Variants in MICAL2 observed in about 807,000 individuals in gnomAD.
MICAL2 encodes the protein [F-actin]-monooxygenase MICAL2.
MICAL2 carries 77 observed loss-of-function variants against 127.3 expected under a neutral mutation model. The ratio of observed to expected loss-of-function variants is 0.60; its 90% CI spans 0.50 to 0.73. The LOEUF (loss-of-function observed/expected upper bound fraction) is 0.73, where lower values mean the gene tolerates loss of function less well. Ranked by LOEUF, MICAL2 falls within the 30% of genes least tolerant of loss-of-function variation. MICAL2 has a pLI of 0.00. For missense variants in MICAL2, 1,351 were observed against 1,434.4 expected (o/e 0.94, Z 0.94); for synonymous variants, 570 against 551.1 (o/e 1.03, Z -0.48).
At chr11:12,120,817 G>A (rs781393585) in intron 1 of MICAL2, among the ~76,000 whole-genome samples, 24 of 152,188 alleles carry the variant, frequency 1.6e-4, no homozygotes, top group Non-Finnish European at 2.9e-4. Flanking sequence ...ACTGAACCCA[G>A]CGGACTGTGG....
intron 2 of MICAL2, among the ~76,000 whole-genome samples, chr11:12,141,442 A>G (rs981496901): frequency 6.6e-6 from 1 of 152,032 alleles, no homozygotes; most frequent in Non-Finnish European, 1.5e-5. Context: ...CCTCCTCCTC[A>G]TGTGGTCAGA....
At chr11:12,240,693 T>C (rs963188898) in intron 17 of MICAL2, among the ~76,000 whole-genome samples, 4 of 152,206 alleles carry the variant, frequency 2.6e-5, no homozygotes, top group African/African-American at 9.7e-5. Context: ...TGTTTCCAGG[T>C]AGACTCCTGG....
intron 3 of MICAL2, among the ~76,000 whole-genome samples, chr11:12,177,803 C>G (rs1191944128): frequency 6.6e-6 from 1 of 152,192 alleles, no homozygotes; most frequent in African/African-American, 2.4e-5. Flanking sequence ...TCTGTGAGGC[C>G]TGCTTTCTCA....
chr11:12,279,351 G>A (rs756632570), intron 1 of MICAL2, among the ~76,000 whole-genome samples: 1 of 152,110 alleles, frequency 6.6e-6, no homozygotes, highest in African/African-American at 2.4e-5. Flanking sequence ...GGGAAAGCAG[G>A]GACTGCAGTT....
chr11:12,287,718 G>T (rs925405357), downstream of MICAL2, among the ~76,000 whole-genome samples: 1 of 152,216 alleles, frequency 6.6e-6, no homozygotes. Context: ...GCAGGGCTGT[G>T]GCAGGTGCTG....
intron 2 of MICAL2, among the ~76,000 whole-genome samples, chr11:12,145,222 A>G (rs1852765656): frequency 6.6e-6 from 1 of 152,200 alleles, no homozygotes; most frequent in Admixed American, 6.5e-5. Flanking sequence ...CAGCAGAACA[A>G]AATGGAAGTG....
chr11:12,134,702 A>G (rs1457032020), intron 1 of MICAL2, among the ~76,000 whole-genome samples: 3 of 152,180 alleles, frequency 2.0e-5, no homozygotes, highest in African/African-American at 7.2e-5. Context: ...GAATGAGCTT[A>G]AGCAAAAATG....
At chr11:12,174,363 A>G (rs1157681278) in intron 3 of MICAL2, among the ~76,000 whole-genome samples, 3 of 58,710 alleles carry the variant, frequency 5.1e-5, no homozygotes, top group African/African-American at 1.9e-4. Context: ...CCCCACCCCC[A>G]CCCCCAGCCC....
chr11:12,326,122 C>T (rs1864351070), intron 31 of MICAL2, among the ~76,000 whole-genome samples: 1 of 152,094 alleles, frequency 6.6e-6, no homozygotes, highest in African/African-American at 2.4e-5. Context: ...GGAGGGGCCT[C>T]GGCTGCTGTA....
chr11:12,241,691 T>C (rs1859987257), intron 18 of MICAL2, among the ~76,000 whole-genome samples: 1 of 152,256 alleles, frequency 6.6e-6, no homozygotes. Context: ...GTTTGGAATC[T>C]GAACCGAATC....
chr11:12,316,842 G>T (rs551739002), intron 29 of MICAL2, among the ~76,000 whole-genome samples: 4 of 152,268 alleles, frequency 2.6e-5, no homozygotes, highest in African/African-American at 9.6e-5. Context: ...TCCTTTGAAG[G>T]CTTGCTTTTA....
At chr11:12,217,662 C>T (rs943065597) in intron 8 of MICAL2, among the ~76,000 whole-genome samples, 3 of 152,108 alleles carry the variant, frequency 2.0e-5, no homozygotes, top group South Asian at 4.1e-4. Context: ...TGCAGAGCAC[C>T]GTGGCCTCCT....
chr11:12,219,516 G>A (rs1337991957), intron 8 of MICAL2, among the ~76,000 whole-genome samples: 4 of 96,514 alleles, frequency 4.1e-5, no homozygotes, highest in South Asian at 4.0e-4. Context: ...AGACAAGAGC[G>A]AAACTCCATC....
intron 7 of MICAL2, among the ~76,000 whole-genome samples, chr11:12,215,132 A>G (rs1855978429): frequency 6.6e-6 from 1 of 152,140 alleles, no homozygotes; most frequent in Non-Finnish European, 1.5e-5. Context: ...AACCAAGAAA[A>G]TAAATACTTA....
downstream of MICAL2, among the ~76,000 whole-genome samples, chr11:12,289,910 C>G (rs1004788707): frequency 3.9e-5 from 6 of 152,214 alleles, no homozygotes; most frequent in African/African-American, 1.4e-4. Flanking sequence ...TGCTCAACCA[C>G]CCCATGAAGC....
At chr11:12,238,808 C>T (rs11022262) in intron 16 of MICAL2, among the ~76,000 whole-genome samples, 26,799 of 152,174 alleles carry the variant, frequency 0.18, 2,936 homozygotes, top group Non-Finnish European at 0.24. Flanking sequence ...GAAGGGTATG[C>T]AGGGACAGTC....
At chr11:12,225,011 T>C (rs1464899556) in intron 13 of MICAL2, among the ~76,000 whole-genome samples, 191 bp downstream of exon 13, 2 of 152,216 alleles carry the variant, frequency 1.3e-5, no homozygotes, top group African/African-American at 4.8e-5. Context: ...GTTCCTAATA[T>C]GTGAGGATAA....
At chr11:12,150,589 A>G (rs1853467218) in intron 2 of MICAL2, among the ~76,000 whole-genome samples, 1 of 152,152 alleles carries the variant, frequency 6.6e-6, no homozygotes, top group African/African-American at 2.4e-5. Flanking sequence ...GAATAGGCAT[A>G]GAGAAATCCT....
intron 22 of MICAL2, among the ~76,000 whole-genome samples, chr11:12,250,478 G>A (rs1861398908): frequency 6.6e-6 from 1 of 152,188 alleles, no homozygotes; most frequent in East Asian, 1.9e-4. Context: ...CTGCAAGGTT[G>A]GTGGAAGTCT....
Sources: gnomAD v4.1 joint callset for allele counts (sites outside exome capture counted in the v4.1 genomes callset) on GRCh38, gnomAD v4.1.1 for gene constraint, MANE v1.5 for transcripts, NCBI Gene and HGNC (gene_info 2026-07-23, HGNC 2026-07-21) for gene names.